KCNH5: variants seen among roughly 807,000 people sequenced by gnomAD.
The protein encoded by KCNH5 is voltage-gated delayed rectifier potassium channel KCNH5.
KCNH5 carries 46 observed loss-of-function variants against 96.1 expected under a neutral mutation model. That is an observed-to-expected ratio of 0.48 (90% CI 0.38 to 0.61). The LOEUF is 0.61. KCNH5 is among the 20% of genes least tolerant of loss of function. KCNH5 has a pLI of 0.00. For synonymous variants in KCNH5, 439 were observed against 449.8 expected (o/e 0.98, Z 0.30); for missense variants, 907 against 1,225.8 (o/e 0.74, Z 3.88).
intron 6 of KCNH5, among the ~76,000 whole-genome samples, chr14:62,963,181 T>C (rs187041027): frequency 6.6e-6 from 1 of 152,260 alleles, no homozygotes; most frequent in East Asian, 1.9e-4. Flanking sequence ...TTACAGTACA[T>C]TATAGTAATT....
At chr14:63,015,363 G>A (rs937193337) in intron 2 of KCNH5, among the ~76,000 whole-genome samples, 16 of 152,006 alleles carry the variant, frequency 1.1e-4, no homozygotes, top group African/African-American at 3.4e-4. Flanking sequence ...AAACTCAATG[G>A]TATAATATAA....
At chr14:62,919,139 T>A (rs1435104699) in intron 7 of KCNH5, among the ~76,000 whole-genome samples, 1 of 151,992 alleles carries the variant, frequency 6.6e-6, no homozygotes, top group Admixed American at 6.6e-5. Flanking sequence ...AATGCTATAT[T>A]TATATATATA....
Position 62,802,404 on chromosome 14 carries a change from T to G in KCNH5, c.1747A>C (p.Ser583Arg), listed in dbSNP as rs1315183353. Residue 583 changes from serine to arginine, a missense_variant, in exon 9 of 11, where the codon AGT (serine) becomes CGT (arginine). By Grantham distance (110) the Ser-to-Arg change is moderately radical. Transcript: ENST00000322893. ...PGDLIYHAGE[S>R]VDALCFVVSG... is the part of the protein sequence containing the mutation. ...ACCACAAAGCAGAGGGCATCCACACTTTCTCCAGCATGGTAAATGAGGTCC... is the reference window on the plus strand; with the variant it reads ...ACCACAAAGCAGAGGGCATCCACACGTTCTCCAGCATGGTAAATGAGGTCC... 6.2e-7 allele frequency: 1 copy of G among 1,614,030 alleles called. No homozygotes were observed. Among genetic ancestry groups the G allele is most frequent in the East Asian group, 2.2e-5 (1 of 44,880 alleles).
intron 4 of KCNH5, among the ~76,000 whole-genome samples, chr14:62,999,526 T>C (rs1047284250): frequency 6.6e-5 from 10 of 151,858 alleles, no homozygotes; most frequent in African/African-American, 2.2e-4. Context: ...TGGAATACTA[T>C]GCAGCCATAA....
In KCNH5 at chr14:62,888,220, T is replaced by A. The variant is rs117326382; in HGVS notation, c.1370-38368A>T. Among the ~76,000 whole-genome samples, 74 of 152,332 alleles carry A rather than the reference T, an allele frequency of 4.9e-4. 2 individuals carry two copies. In the East Asian group the frequency reaches 0.013, roughly 27 times the overall value. Reference sequence around the variant, plus strand: ...GGGAATGAAGTTTAATTTTATCTTTTAATTCCATTCAAACTGAAACTATAC... The same window carrying A: ...GGGAATGAAGTTTAATTTTATCTTTAAATTCCATTCAAACTGAAACTATAC... On this transcript the variant is annotated intron_variant, in intron 7 of 10. Coordinates refer to ENST00000322893, the MANE Select transcript of KCNH5 (RefSeq NM_139318.5).
At chr14:62,802,635 A>C (rs1886687838) in intron 8 of KCNH5, 54 bp from the exon 9 acceptor site, 1 of 1,583,032 alleles carries the variant, frequency 6.3e-7, no homozygotes, top group African/African-American at 1.3e-5. Context: ...GGGCCACTTC[A>C]GAAAAACAAT....
chr14:62,751,400 C>T (rs533238301), intron 10 of KCNH5, among the ~76,000 whole-genome samples: 1 of 152,288 alleles, frequency 6.6e-6, no homozygotes, highest in South Asian at 2.1e-4. Context: ...TCATTGGTTA[C>T]CCAAGGCTCC....
At chr14:62,873,661 T>C (rs1248815443) in intron 7 of KCNH5, among the ~76,000 whole-genome samples, 1 of 152,200 alleles carries the variant, frequency 6.6e-6, no homozygotes, top group African/African-American at 2.4e-5. Flanking sequence ...AAAAGATTTA[T>C]AGAAGAAAAT....
intron 7 of KCNH5, among the ~76,000 whole-genome samples, chr14:62,881,695 A>G (rs1888495249): frequency 6.6e-6 from 1 of 151,626 alleles, no homozygotes; most frequent in African/African-American, 2.4e-5. Flanking sequence ...CCATTTAACA[A>G]GCATTTTGTA....
At chr14:62,752,770 G>A (rs1404331666) in intron 10 of KCNH5, among the ~76,000 whole-genome samples, 1 of 152,090 alleles carries the variant, frequency 6.6e-6, no homozygotes, top group Admixed American at 6.6e-5. Flanking sequence ...AAGATCTGAT[G>A]GTTTAAAAGT....
chr14:62,849,626 C>T (rs1595654067), intron 8 of KCNH5, 27 bp downstream of exon 8: 2 of 1,586,956 alleles, frequency 1.3e-6, no homozygotes, highest in Non-Finnish European at 1.7e-6. Context: ...AAAATAGAAA[C>T]TAAATAATAA....
intron 3 of KCNH5, among the ~76,000 whole-genome samples, chr14:63,003,610 A>ATATATATATTTATATATTTATATT: frequency 1.1e-5 from 1 of 93,922 alleles, no homozygotes; most frequent in Non-Finnish European, 2.1e-5. Context: ...ATTTATATTT[A>ATATATATATTTATATATTTATATT]TATATATATA....
intron 10 of KCNH5, among the ~76,000 whole-genome samples, chr14:62,753,740 G>A (rs1217571183): frequency 6.6e-6 from 1 of 152,060 alleles, no homozygotes; most frequent in Non-Finnish European, 1.5e-5. Flanking sequence ...ATAGTTATCT[G>A]GCAAAGATAT....
chr14:62,997,773 G>A (rs945046448), intron 4 of KCNH5, among the ~76,000 whole-genome samples: 9 of 151,652 alleles, frequency 5.9e-5, no homozygotes, highest in South Asian at 2.1e-4. Context: ...GGTGGTGGGC[G>A]CCTGTAGTCC....
chr14:62,867,229 G>A (rs904686343), intron 7 of KCNH5, among the ~76,000 whole-genome samples: 1 of 152,162 alleles, frequency 6.6e-6, no homozygotes, highest in African/African-American at 2.4e-5. Context: ...ATAGATACGT[G>A]ATAAGTAAAA....
In KCNH5 at chr14:62,749,402, T is replaced by C. The variant is rs966332989; in HGVS notation, c.2019+30326A>G. 2.0e-5 allele frequency among the ~76,000 whole-genome samples: 3 copies of C among 152,128 alleles called. No homozygotes were observed. In the East Asian group the frequency reaches 5.8e-4, roughly 29 times the overall value. On this transcript the variant is annotated intron_variant, in intron 10 of 10. Coordinates refer to ENST00000322893, the MANE Select transcript of KCNH5 (RefSeq NM_139318.5). ...TTTATTCCCAGAAGTTTAATGGCAA[T>C]TGGGGTACTAAGGAGAACTTGATAG...
chr14:62,904,540 G>A (rs1888990034), intron 7 of KCNH5, among the ~76,000 whole-genome samples: 1 of 152,090 alleles, frequency 6.6e-6, no homozygotes, highest in Admixed American at 6.5e-5. Context: ...CCTTCCTGAT[G>A]ATGTGGAGAT....
intron 7 of KCNH5, among the ~76,000 whole-genome samples, chr14:62,904,981 T>C (rs1276493290): frequency 6.6e-6 from 1 of 152,222 alleles, no homozygotes; most frequent in African/African-American, 2.4e-5. Flanking sequence ...ATTCAAAATA[T>C]ACGCTACCAT....
intron 7 of KCNH5, among the ~76,000 whole-genome samples, chr14:62,888,336 A>G (rs542744726): frequency 6.6e-6 from 1 of 152,324 alleles, no homozygotes; most frequent in Admixed American, 6.5e-5. Flanking sequence ...TTAAACAGAA[A>G]TTATGAGAGT....
Sources: allele counts gnomAD v4.1 joint callset (sites outside exome capture counted in the v4.1 genomes callset), GRCh38; gene constraint gnomAD v4.1.1; transcripts MANE v1.5; gene names NCBI Gene and HGNC (gene_info 2026-07-23, HGNC 2026-07-21).